NELL1: variants seen among roughly 807,000 people sequenced by gnomAD.
NELL1 encodes protein kinase C-binding protein NELL1.
Under a neutral mutation model 107.4 loss-of-function variants are expected in NELL1, and 76 were observed. The observed-to-expected ratio is 0.71, with a 90% confidence interval of 0.59 to 0.86. The LOEUF (loss-of-function observed/expected upper bound fraction) is 0.86, where lower values mean the gene tolerates loss of function less well. NELL1 is among the 40% of genes least tolerant of loss of function. The pLI, the probability that NELL1 is intolerant of heterozygous loss-of-function variation, is 0.00. For synonymous variants in NELL1, 353 were observed against 341.2 expected (o/e 1.03, Z -0.38); for missense variants, 1,024 against 1,005.5 (o/e 1.02, Z -0.25).
At chr11:21,494,766 G>T (rs1854931712) in intron 15 of NELL1, among the ~76,000 whole-genome samples, 1 of 151,740 alleles carries the variant, frequency 6.6e-6, no homozygotes. Flanking sequence ...ATACAGTATT[G>T]TAAACAAATC....
At chr11:21,510,163 C>A (rs956086726) in intron 15 of NELL1, among the ~76,000 whole-genome samples, 3 of 152,148 alleles carry the variant, frequency 2.0e-5, no homozygotes, top group Non-Finnish European at 4.4e-5. Context: ...TTGGTGAATG[C>A]ACGATTGGCC....
At chr11:20,707,971 G>T (rs528655175) in intron 2 of NELL1, among the ~76,000 whole-genome samples, 1 of 152,236 alleles carries the variant, frequency 6.6e-6, no homozygotes, top group South Asian at 2.1e-4. Flanking sequence ...AGGCAGGCCT[G>T]CCTGAGCTGC....
At chr11:20,967,895 C>G (rs967110540) in intron 12 of NELL1, among the ~76,000 whole-genome samples, 19 of 152,140 alleles carry the variant, frequency 1.2e-4, no homozygotes, top group African/African-American at 4.3e-4. Context: ...GCCTACTTCT[C>G]CAAATTCATC....
At chr11:21,335,305 A>T (rs1850366557) in intron 14 of NELL1, among the ~76,000 whole-genome samples, 2 of 152,198 alleles carry the variant, frequency 1.3e-5, no homozygotes, top group South Asian at 4.1e-4. Context: ...ATCCTTATGC[A>T]ATCAATTTGA....
chr11:21,029,758 C>G (rs577482242), intron 12 of NELL1, among the ~76,000 whole-genome samples: 1 of 152,132 alleles, frequency 6.6e-6, no homozygotes, highest in Non-Finnish European at 1.5e-5. Flanking sequence ...CATGGAAGAA[C>G]ATTTGATTTA....
intron 2 of NELL1, among the ~76,000 whole-genome samples, chr11:20,710,705 T>C (rs1202104585): frequency 6.6e-6 from 1 of 152,130 alleles, no homozygotes; most frequent in Non-Finnish European, 1.5e-5. Context: ...AATTACTGTT[T>C]CAATCTTGCT....
intron 11 of NELL1, among the ~76,000 whole-genome samples, chr11:20,958,908 C>T (rs1207015619): frequency 6.6e-6 from 1 of 152,112 alleles, no homozygotes; most frequent in East Asian, 1.9e-4. Context: ...ATTGTGGGTT[C>T]GGTTCCAGAC....
intron 2 of NELL1, among the ~76,000 whole-genome samples, chr11:20,716,355 A>C (rs1855250245): frequency 6.6e-6 from 1 of 152,248 alleles, no homozygotes; most frequent in African/African-American, 2.4e-5. Context: ...AAATACACAC[A>C]AGCACAAAGG....
At chr11:20,714,084 T>C (rs895170220) in intron 2 of NELL1, among the ~76,000 whole-genome samples, 3 of 152,026 alleles carry the variant, frequency 2.0e-5, no homozygotes, top group Admixed American at 2.0e-4. Flanking sequence ...TTTTCTGGTA[T>C]GTTTCTGTGG....
intron 3 of NELL1, among the ~76,000 whole-genome samples, chr11:20,797,673 A>AT (rs1466498587): frequency 6.6e-6 from 1 of 151,854 alleles, no homozygotes; most frequent in Non-Finnish European, 1.5e-5. Context: ...GGTGGTGCCA[A>AT]TTGAGGGAAG....
intron 16 of NELL1, among the ~76,000 whole-genome samples, chr11:21,540,191 C>T (rs914720894): frequency 6.6e-6 from 1 of 151,956 alleles, no homozygotes; most frequent in African/African-American, 2.4e-5. Context: ...GGGAAAAATA[C>T]GAGTCCTGTT....
At chr11:20,671,952 A>G (rs1182189398) in intron 1 of NELL1, among the ~76,000 whole-genome samples, 2 of 152,188 alleles carry the variant, frequency 1.3e-5, no homozygotes, top group Non-Finnish European at 2.9e-5. Context: ...GAGGGAGCAG[A>G]TTCAGCAAAG....
chr11:21,086,252 A>T (rs1483098874), intron 12 of NELL1, among the ~76,000 whole-genome samples: 7 of 152,082 alleles, frequency 4.6e-5, no homozygotes, highest in Admixed American at 3.3e-4. Context: ...GAAAGAAAGG[A>T]GAGTGTTCTG....
At chr11:21,456,471 T>C (rs1853741012) in intron 15 of NELL1, among the ~76,000 whole-genome samples, 1 of 152,132 alleles carries the variant, frequency 6.6e-6, no homozygotes, top group Non-Finnish European at 1.5e-5. Context: ...GTCTGTTTTC[T>C]ATAGCCTAAA....
At chr11:21,176,852 T>G (rs1856723549) in intron 13 of NELL1, among the ~76,000 whole-genome samples, 1 of 151,834 alleles carries the variant, frequency 6.6e-6, no homozygotes, top group Non-Finnish European at 1.5e-5. Context: ...TGTGGTATTT[T>G]GTATTTTGTT....
At chr11:21,553,296 GACA>G (rs1856634706) in intron 16 of NELL1, among the ~76,000 whole-genome samples, 3 of 151,794 alleles carry the variant, frequency 2.0e-5, no homozygotes, top group African/African-American at 7.2e-5. Flanking sequence ...CTTCAGTGCA[GACA>G]GGAAAAACAT....
intron 13 of NELL1, among the ~76,000 whole-genome samples, chr11:21,121,282 T>C (rs927845180): frequency 4.6e-5 from 7 of 151,974 alleles, no homozygotes; most frequent in African/African-American, 1.7e-4. Flanking sequence ...TGGTGAGAAA[T>C]GTGGAGTTCA....
At chr11:20,858,417 A>C (rs1243775829) in intron 4 of NELL1, among the ~76,000 whole-genome samples, 1 of 152,206 alleles carries the variant, frequency 6.6e-6, no homozygotes, top group East Asian at 1.9e-4. Context: ...AATATGGATG[A>C]TGATCACCAA....
At chr11:21,307,413 A>G (rs1849630041) in intron 14 of NELL1, among the ~76,000 whole-genome samples, 1 of 151,942 alleles carries the variant, frequency 6.6e-6, no homozygotes, top group Non-Finnish European at 1.5e-5. Flanking sequence ...AAAGAAAAAA[A>G]GGGCAATTTC....
Sources: gnomAD v4.1 joint callset for allele counts (sites outside exome capture counted in the v4.1 genomes callset) on GRCh38, gnomAD v4.1.1 for gene constraint, MANE v1.5 for transcripts, NCBI Gene and HGNC (gene_info 2026-07-23, HGNC 2026-07-21) for gene names.